The following IPO11 variants were observed in gnomAD, a reference collection of about 807,000 sequenced individuals.
IPO11 encodes the protein importin-11.
In IPO11, 66 loss-of-function variants were observed where a neutral mutation model predicts 143.2. That is an observed-to-expected ratio of 0.46 (90% CI 0.38 to 0.57). IPO11 has a LOEUF of 0.57. Among genes scored for constraint, IPO11 ranks in the 20% least tolerant of loss-of-function variants. The pLI is 0.00. For synonymous variants in IPO11, 385 were observed against 377.8 expected (o/e 1.02, Z -0.22); for missense variants, 1,026 against 1,141.0 (o/e 0.90, Z 1.45).
intron 15 of IPO11, 124 bp downstream of exon 15, chr5:62,490,344 C>T: frequency 1.9e-6 from 1 of 523,346 alleles, no homozygotes; most frequent in Non-Finnish European, 3.2e-6. Context: ...TAGGTAATGT[C>T]TTATGTGGAA....
At chr5:62,556,997 C>T (rs1743596495) in intron 26 of IPO11, among the ~76,000 whole-genome samples, 1 of 152,172 alleles carries the variant, frequency 6.6e-6, no homozygotes, top group Admixed American at 6.5e-5. Flanking sequence ...GATGTATTCA[C>T]ATGTCCAGCC....
chr5:62,414,467 T>A (rs1444727195), intron 1 of IPO11, among the ~76,000 whole-genome samples: 1 of 152,240 alleles, frequency 6.6e-6, no homozygotes, highest in East Asian at 1.9e-4. Flanking sequence ...TTCCTTTCTT[T>A]ATCAGCTTCA....
At chr5:62,613,059 A>C (rs1745984327) in intron 29 of IPO11, among the ~76,000 whole-genome samples, 1 of 152,202 alleles carries the variant, frequency 6.6e-6, no homozygotes, top group Non-Finnish European at 1.5e-5. Flanking sequence ...GATAAGTAGA[A>C]AGCAGTGTTT....
intron 29 of IPO11, among the ~76,000 whole-genome samples, chr5:62,616,024 A>G (rs1746117051): frequency 1.5e-5 from 2 of 137,360 alleles, no homozygotes; most frequent in Admixed American, 7.5e-5. Context: ...TGTCATGACA[A>G]GTCATTAAAA....
chr5:62,446,982 T>A (rs371524878), intron 3 of IPO11, among the ~76,000 whole-genome samples: 122 of 150,416 alleles, frequency 8.1e-4, no homozygotes, highest in Non-Finnish European at 1.4e-3. Flanking sequence ...AAAAAAAAAA[T>A]CAACTTTGTG....
chr5:62,513,414 AC>A (rs566338445), intron 19 of IPO11, among the ~76,000 whole-genome samples: 3,731 of 51,022 alleles, frequency 0.073, 259 homozygotes, highest in South Asian at 0.12. Context: ...GGGGGCGCTG[AC>A]CCCCCCCCCA....
At position 62,601,666 on chromosome 5, in the gene IPO11, CAT is replaced by C. The variant is rs757197285; in HGVS notation, c.2679-96_2679-95del. On this transcript the variant is annotated intron_variant, in intron 28 of 29. Transcript: ENST00000325324. ...ACATTTTGGTGTGAAAAACTAAGAA[CAT>C]AGAATTATTCATGTTCTTAGTGATT... 5.3e-4 allele frequency: 276 copies of C among 523,940 alleles called. 1 individual carries two copies. Among genetic ancestry groups the C allele is most frequent in the Non-Finnish European group, 7.7e-4 (246 of 321,232 alleles). The allele number at this position is 523,940 out of a possible 1,614,324, so 32.5% of individuals were successfully genotyped here. A position where few individuals can be genotyped will look rare whatever the true frequency, so the allele number is the denominator to read the frequency against.
chr5:62,450,378 T>C (rs1020323148), intron 4 of IPO11, among the ~76,000 whole-genome samples: 3 of 152,216 alleles, frequency 2.0e-5, no homozygotes, highest in African/African-American at 7.2e-5. Context: ...TTCTCACCCA[T>C]TGACATCATA....
intron 27 of IPO11, among the ~76,000 whole-genome samples, chr5:62,584,257 G>A (rs1048176692): frequency 3.3e-5 from 5 of 151,946 alleles, no homozygotes; most frequent in African/African-American, 1.2e-4. Flanking sequence ...AGCTATTGAT[G>A]AGGGCTTCAG....
chr5:62,543,032 G>T (rs1375169354), intron 24 of IPO11, among the ~76,000 whole-genome samples: 1 of 152,114 alleles, frequency 6.6e-6, no homozygotes, highest in Non-Finnish European at 1.5e-5. Context: ...TATAATGATA[G>T]TACTGCTCTT....
chr5:62,546,035 T>G (rs1327051462), intron 24 of IPO11, among the ~76,000 whole-genome samples: 1 of 152,188 alleles, frequency 6.6e-6, no homozygotes, highest in Non-Finnish European at 1.5e-5. Context: ...TGGAAGACAG[T>G]GTGGCAATTC....
At chr5:62,548,113 A>G (rs896696825) in intron 24 of IPO11, among the ~76,000 whole-genome samples, 1 of 151,560 alleles carries the variant, frequency 6.6e-6, no homozygotes, top group Admixed American at 6.6e-5. Flanking sequence ...TCATCCTCCA[A>G]GTAATCAAAA....
chr5:62,484,876 TACA>T (rs1327693556), intron 11 of IPO11, among the ~76,000 whole-genome samples: 1 of 151,934 alleles, frequency 6.6e-6, no homozygotes, highest in Non-Finnish European at 1.5e-5. Flanking sequence ...GATTGTACTG[TACA>T]ACATGTCTTT....
At chr5:62,541,528 A>G (rs923012791) in intron 24 of IPO11, among the ~76,000 whole-genome samples, 2 of 152,026 alleles carry the variant, frequency 1.3e-5, no homozygotes, top group East Asian at 1.9e-4. Flanking sequence ...AAAAAATACA[A>G]AAATTAGCTG....
At chr5:62,581,520 T>C (rs1744565698) in intron 27 of IPO11, 1 of 454,548 alleles carries the variant, frequency 2.2e-6, no homozygotes, top group African/African-American at 2.1e-5. Flanking sequence ...AGCTAACATT[T>C]CTGTGTATCA....
intron 22 of IPO11, 133 bp downstream of exon 22, chr5:62,530,918 C>T: frequency 1.5e-6 from 1 of 668,366 alleles, no homozygotes; most frequent in Non-Finnish European, 2.7e-6. Flanking sequence ...GATATATGTA[C>T]ACGTTTGTTA....
intron 27 of IPO11, among the ~76,000 whole-genome samples, chr5:62,586,979 A>AT (rs201182611): frequency 1.2e-3 from 177 of 144,146 alleles, no homozygotes; most frequent in Middle Eastern, 7.3e-3. Flanking sequence ...ATTCAGCTGA[A>AT]TTTTTTTTTT....
At chr5:62,550,268 G>A in intron 24 of IPO11, 99 bp from the exon 25 acceptor site, 1 of 789,154 alleles carries the variant, frequency 1.3e-6, no homozygotes, top group Non-Finnish European at 2.1e-6. Context: ...TCTTAAATTT[G>A]GTCTGTGATA....
chr5:62,593,904 A>G (rs375174894), intron 28 of IPO11, among the ~76,000 whole-genome samples: 1 of 152,248 alleles, frequency 6.6e-6, no homozygotes, highest in Non-Finnish European at 1.5e-5. Flanking sequence ...ATAGAGTTCT[A>G]TAAGTTACAG....
Sources: allele counts gnomAD v4.1 joint callset (sites outside exome capture counted in the v4.1 genomes callset), GRCh38; gene constraint gnomAD v4.1.1; transcripts MANE v1.5; gene names NCBI Gene and HGNC (gene_info 2026-07-23, HGNC 2026-07-21).